The following STRN variants were observed in gnomAD, a reference collection of about 807,000 sequenced individuals.
STRN encodes the protein striatin, also known as protein phosphatase 2 regulatory subunit B'''alpha.
A neutral mutation model predicts 96.3 loss-of-function variants in STRN; 53 were observed. That is an observed-to-expected ratio of 0.55 (90% CI 0.44 to 0.69). The LOEUF (loss-of-function observed/expected upper bound fraction) is 0.69. STRN is among the 30% of genes least tolerant of loss of function. The probability of loss-of-function intolerance (pLI) is 0.00; values close to 1 mark genes in which losing one functional copy is unlikely to be tolerated. For synonymous variants in STRN, 428 were observed against 355.9 expected (o/e 1.20, Z -2.28); for missense variants, 987 against 963.9 (o/e 1.02, Z -0.32).
At chr2:36,894,739 A>G (rs1669493974) in intron 6 of STRN, among the ~76,000 whole-genome samples, 1 of 152,260 alleles carries the variant, frequency 6.6e-6, no homozygotes, top group South Asian at 2.1e-4. Context: ...ATCAAATGTT[A>G]TCGCTGGGCT....
chr2:36,861,211 C>T lies in STRN; in HGVS notation c.1590G>A (p.Gln530=), dbSNP rs568333616. 7 of 1,614,106 alleles carry T rather than the reference C, an allele frequency of 4.3e-6. No individual in the cohort carries two copies. Among genetic ancestry groups the T allele is most frequent in the Non-Finnish European group, 5.9e-6 (7 of 1,179,992 alleles). Residue 530 remains glutamine, a synonymous_variant, in exon 13 of 18, where the codon CAG becomes CAA. Coordinates refer to ENST00000263918, the MANE Select transcript of STRN (RefSeq NM_003162.4). ...GTCCATCAGTACCACCACTGTAACA[C>T]TGCTCACCATTGCTGCTCATTACCA... ...LCVVMSSNGE[Q]CYSGGTDGLI... is the part of the protein sequence containing the mutation.
chr2:36,928,834 A>G (rs1399539785), intron 1 of STRN, among the ~76,000 whole-genome samples: 1 of 150,070 alleles, frequency 6.7e-6, no homozygotes, highest in Admixed American at 6.7e-5. Flanking sequence ...CTGTAATCCC[A>G]GCTACTTGGG....
chr2:36,902,645 T>G lies in STRN; in HGVS notation c.598A>C (p.Lys200Gln), dbSNP rs754412218. 5 of 1,612,098 alleles carry G rather than the reference T, an allele frequency of 3.1e-6. No individual in the cohort carries two copies. In the South Asian group the frequency reaches 3.3e-5, roughly 11 times the overall value. The part of the protein sequence containing the change: ...SSDVTDREDD[K>Q]NQDSVVNGTE... Reference sequence around the variant, plus strand: ...CCATTTACAACTGAGTCCTGATTTTTGTCATCTTCCCTGTCCGTGACATCA... The same window carrying G: ...CCATTTACAACTGAGTCCTGATTTTGGTCATCTTCCCTGTCCGTGACATCA... The change falls in exon 5 of 18, where the codon AAA becomes CAA. Residue 200 changes from lysine to glutamine, a missense_variant. Transcript: ENST00000263918.
intron 14 of STRN, 80 bp from the exon 15 acceptor site, chr2:36,855,432 A>C: frequency 6.8e-7 from 1 of 1,472,746 alleles, no homozygotes; most frequent in Non-Finnish European, 9.2e-7. Flanking sequence ...AAAACAAAAA[A>C]TGGCATGGTT....
At chr2:36,888,170 C>G (rs1164469430) in intron 7 of STRN, among the ~76,000 whole-genome samples, 1 of 152,192 alleles carries the variant, frequency 6.6e-6, no homozygotes, top group African/African-American at 2.4e-5. Context: ...TATTCAGAAT[C>G]TGGCTTCTCA....
chr2:36,951,372 T>C (rs1023457261), intron 1 of STRN, among the ~76,000 whole-genome samples: 4 of 152,238 alleles, frequency 2.6e-5, no homozygotes, highest in Admixed American at 6.5e-5. Context: ...GCCCAGGCAA[T>C]GCTTTATACA....
At chr2:36,858,268 G>C (rs952627759) in intron 13 of STRN, among the ~76,000 whole-genome samples, 1 of 151,926 alleles carries the variant, frequency 6.6e-6, no homozygotes, top group Non-Finnish European at 1.5e-5. Flanking sequence ...AAAAAACTGA[G>C]TATTTCCTCC....
chr2:36,877,266 G>GA (rs1668939500), intron 10 of STRN, among the ~76,000 whole-genome samples: 1 of 152,132 alleles, frequency 6.6e-6, no homozygotes, highest in Admixed American at 6.5e-5. Context: ...AGGTAGGCAC[G>GA]AATTACAACT....
intron 10 of STRN, among the ~76,000 whole-genome samples, chr2:36,874,801 A>C (rs1004171864): frequency 1.3e-5 from 2 of 152,058 alleles, no homozygotes; most frequent in African/African-American, 4.8e-5. Flanking sequence ...CTAAACAAAG[A>C]TATTTCAGAA....
Position 36,877,987 on chromosome 2 carries a change from G to C in STRN, c.1227C>G (p.Phe409Leu). The C allele has an allele frequency of 6.2e-7, 1 of 1,614,170 alleles. No homozygotes were observed. Among genetic ancestry groups the C allele is most frequent in the Non-Finnish European group, 8.5e-7 (1 of 1,180,026 alleles). Reference protein sequence around the residue: ...LTFPPSSGKSFIMGADEALES... With the variant: ...LTFPPSSGKSLIMGADEALES... ...CAAGGGCTTCATCTGCTCCCATGAT[G>C]AATGACTTTCCAGAAGAAGGAGGAA... Residue 409 changes from phenylalanine to leucine, a missense_variant, in exon 10 of 18, where the codon TTC becomes TTG. Coordinates refer to ENST00000263918, the MANE Select transcript of STRN (RefSeq NM_003162.4).
chr2:36,936,242 A>G (rs1040112932), intron 1 of STRN, among the ~76,000 whole-genome samples: 10 of 152,186 alleles, frequency 6.6e-5, no homozygotes, highest in East Asian at 5.8e-4. Context: ...CCTGGACAGT[A>G]ATAGTGTGCT....
chr2:36,893,693 GT>G (rs200488028), intron 7 of STRN, among the ~76,000 whole-genome samples: 6 of 150,406 alleles, frequency 4.0e-5, no homozygotes, highest in Non-Finnish European at 4.4e-5. Context: ...TATTGTTGTT[GT>G]TTTTTTTTCT....
At chr2:36,904,762 C>T (rs1055277965) in intron 4 of STRN, among the ~76,000 whole-genome samples, 1 of 152,142 alleles carries the variant, frequency 6.6e-6, no homozygotes, top group Non-Finnish European at 1.5e-5. Context: ...CAGGAGGCAG[C>T]AGTTGCTGTA....
chr2:36,921,473 T>A (rs1470431463), intron 2 of STRN, among the ~76,000 whole-genome samples: 1 of 152,218 alleles, frequency 6.6e-6, no homozygotes, highest in African/African-American at 2.4e-5. Context: ...ATAATACTGA[T>A]GATTCCCAAG....
At chr2:36,938,817 T>C (rs1162510627) in intron 1 of STRN, among the ~76,000 whole-genome samples, 2 of 152,218 alleles carry the variant, frequency 1.3e-5, no homozygotes, top group Non-Finnish European at 2.9e-5. Flanking sequence ...TTAGACATAA[T>C]ATATGTCTGC....
chr2:36,958,158 G>A (rs1256912085), intron 1 of STRN, among the ~76,000 whole-genome samples: 1 of 151,986 alleles, frequency 6.6e-6, no homozygotes, highest in Admixed American at 6.6e-5. Flanking sequence ...GACCTCAGGT[G>A]ATCTGCCCGC....
intron 12 of STRN, chr2:36,867,591 T>C (rs994557772): frequency 9.1e-6 from 3 of 328,076 alleles, no homozygotes; most frequent in African/African-American, 4.2e-5. Flanking sequence ...TATAAATACG[T>C]ACCTCACTTA....
chr2:36,931,673 A>G (rs1572684091), intron 1 of STRN, among the ~76,000 whole-genome samples: 2 of 152,348 alleles, frequency 1.3e-5, no homozygotes, highest in East Asian at 1.9e-4. Flanking sequence ...TACCAGTAGC[A>G]TATGTTATAT....
At chr2:36,877,256 A>G (rs1410996218) in intron 10 of STRN, among the ~76,000 whole-genome samples, 1 of 152,234 alleles carries the variant, frequency 6.6e-6, no homozygotes, top group African/African-American at 2.4e-5. Flanking sequence ...AATATTGTTT[A>G]GGTAGGCACG....
Sources: allele counts gnomAD v4.1 joint callset (sites outside exome capture counted in the v4.1 genomes callset), GRCh38; gene constraint gnomAD v4.1.1; transcripts MANE v1.5; gene names NCBI Gene and HGNC (gene_info 2026-07-23, HGNC 2026-07-21).